Variants in ZNF385D observed in about 807,000 individuals in gnomAD.
ZNF385D encodes zinc finger protein 659.
In ZNF385D, 15 loss-of-function variants were observed where a neutral mutation model predicts 35.8. That is an observed-to-expected ratio of 0.42 (90% CI 0.28 to 0.64). The LOEUF (loss-of-function observed/expected upper bound fraction) is 0.64. Ranked by LOEUF, ZNF385D falls within the 30% of genes least tolerant of loss-of-function variation. The pLI is 0.23. For missense variants in ZNF385D, 474 were observed against 494.6 expected (o/e 0.96, Z 0.39); for synonymous variants, 212 against 186.8 (o/e 1.13, Z -1.10).
intron 2 of ZNF385D, among the ~76,000 whole-genome samples, chr3:22,346,913 G>A (rs536239362): frequency 3.7e-4 from 57 of 152,154 alleles, no homozygotes; most frequent in Admixed American, 8.5e-4. Context: ...ATTCTGTTCC[G>A]GTTTATGATC....
At chr3:22,290,546 TG>T (rs912765169) in intron 2 of ZNF385D, among the ~76,000 whole-genome samples, 3 of 152,198 alleles carry the variant, frequency 2.0e-5, no homozygotes, top group Non-Finnish European at 2.9e-5. Flanking sequence ...CATTCCCGGA[TG>T]CCCAGGGCAG....
chr3:22,371,937 G>A (rs1696926154), intron 2 of ZNF385D, among the ~76,000 whole-genome samples: 1 of 152,078 alleles, frequency 6.6e-6, no homozygotes, highest in South Asian at 2.1e-4. Context: ...AAAAGAAGAA[G>A]AAGAAGAAGG....
At chr3:21,701,926 C>T (rs1233195130) in intron 1 of ZNF385D, among the ~76,000 whole-genome samples, 1 of 152,192 alleles carries the variant, frequency 6.6e-6, no homozygotes, top group Non-Finnish European at 1.5e-5. Flanking sequence ...TATGGCTTTC[C>T]AGGGTATAGC....
intron 2 of ZNF385D, among the ~76,000 whole-genome samples, chr3:22,357,953 G>A (rs949147940): frequency 3.3e-5 from 5 of 151,832 alleles, no homozygotes; most frequent in African/African-American, 1.2e-4. Flanking sequence ...ACAAGCATTC[G>A]ATATGCTATA....
chr3:21,546,836 GCC>G (rs34082510), intron 3 of ZNF385D, among the ~76,000 whole-genome samples: 1 of 151,222 alleles, frequency 6.6e-6, no homozygotes, highest in Admixed American at 6.6e-5. Context: ...CTATTCTCTA[GCC>G]CCCCCCGCTT....
chr3:22,220,123 G>C (rs1344152739), intron 2 of ZNF385D, among the ~76,000 whole-genome samples: 1 of 150,736 alleles, frequency 6.6e-6, no homozygotes, highest in East Asian at 2.0e-4. Context: ...GATTGCAGTG[G>C]TAGGATCATG....
chr3:22,049,388 T>G (rs188907942), intron 3 of ZNF385D, among the ~76,000 whole-genome samples: 75 of 152,206 alleles, frequency 4.9e-4, no homozygotes, highest in Non-Finnish European at 9.1e-4. Flanking sequence ...TTACTGTAGT[T>G]GTTTATTAGT....
At chr3:22,115,559 A>G (rs1278178618) in intron 3 of ZNF385D, among the ~76,000 whole-genome samples, 1 of 152,146 alleles carries the variant, frequency 6.6e-6, no homozygotes, top group Non-Finnish European at 1.5e-5. Context: ...TATGGCAGCT[A>G]TAATTAATAA....
chr3:21,999,659 T>A (rs958273285), intron 3 of ZNF385D, among the ~76,000 whole-genome samples: 2 of 152,040 alleles, frequency 1.3e-5, no homozygotes, highest in African/African-American at 2.4e-5. Flanking sequence ...TTAAATGAGA[T>A]TTATACTAGT....
intron 3 of ZNF385D, among the ~76,000 whole-genome samples, chr3:22,016,878 A>G (rs538294456): frequency 6.6e-6 from 1 of 151,834 alleles, no homozygotes; most frequent in Non-Finnish European, 1.5e-5. Context: ...AGATCTAATA[A>G]AAGTTTATTG....
chr3:21,483,158 T>A (rs1704758722), intron 4 of ZNF385D, among the ~76,000 whole-genome samples: 1 of 152,166 alleles, frequency 6.6e-6, no homozygotes, highest in Non-Finnish European at 1.5e-5. Context: ...AAGTCATAGC[T>A]TACCTCCAAC....
At chr3:21,913,245 GC>G (rs1273554242) in intron 3 of ZNF385D, among the ~76,000 whole-genome samples, 4 of 152,126 alleles carry the variant, frequency 2.6e-5, no homozygotes, top group Non-Finnish European at 5.9e-5. Context: ...ACCATGCAGT[GC>G]TGCAATGCGT....
intron 3 of ZNF385D, among the ~76,000 whole-genome samples, chr3:21,792,841 T>A (rs1447721998): frequency 6.6e-6 from 1 of 152,216 alleles, no homozygotes; most frequent in Non-Finnish European, 1.5e-5. Flanking sequence ...TTGTTTTGAT[T>A]TTTTTAAAAA....
intron 1 of ZNF385D, among the ~76,000 whole-genome samples, chr3:21,672,241 G>A (rs937588448): frequency 1.1e-4 from 17 of 151,814 alleles, no homozygotes; most frequent in African/African-American, 1.9e-4. Context: ...TTTTTCTTTC[G>A]TTGTTTCTTT....
chr3:21,599,965 C>A (rs1356582603), intron 2 of ZNF385D, among the ~76,000 whole-genome samples: 3 of 152,174 alleles, frequency 2.0e-5, no homozygotes, highest in African/African-American at 4.8e-5. Context: ...GTCATAAAGA[C>A]CTTGCTGATA....
chr3:22,102,479 A>G (rs1701990752), intron 3 of ZNF385D, among the ~76,000 whole-genome samples: 1 of 151,950 alleles, frequency 6.6e-6, no homozygotes, highest in Admixed American at 6.6e-5. Flanking sequence ...CGCAGTACTG[A>G]GTTTCATTGT....
intron 1 of ZNF385D, among the ~76,000 whole-genome samples, chr3:21,714,754 A>C (rs1171477674): frequency 1.3e-5 from 2 of 152,148 alleles, no homozygotes; most frequent in Admixed American, 6.6e-5. Context: ...TTTACAGCAA[A>C]GCTCCATGAG....
At chr3:22,242,371 G>C (rs1355430106) in intron 2 of ZNF385D, among the ~76,000 whole-genome samples, 1 of 151,014 alleles carries the variant, frequency 6.6e-6, no homozygotes, top group Non-Finnish European at 1.5e-5. Context: ...AACACAGCTA[G>C]AGAACCTGGC....
intron 4 of ZNF385D, among the ~76,000 whole-genome samples, chr3:21,443,880 G>A (rs888870883): frequency 2.0e-5 from 3 of 152,106 alleles, no homozygotes; most frequent in African/African-American, 7.2e-5. Flanking sequence ...TGAAACTTTT[G>A]AGATGATTTT....
Sources: allele counts gnomAD v4.1 joint callset (sites outside exome capture counted in the v4.1 genomes callset), GRCh38; gene constraint gnomAD v4.1.1; transcripts MANE v1.5; gene names NCBI Gene and HGNC (gene_info 2026-07-23, HGNC 2026-07-21).